SERPINA3: variants seen among roughly 807,000 people sequenced by gnomAD.
The protein encoded by SERPINA3 is serpin family A member 3.
In SERPINA3, 32 loss-of-function variants were observed where a neutral mutation model predicts 26.8. The ratio of observed to expected loss-of-function variants is 1.20; its 90% CI spans 0.90 to 1.61. SERPINA3 has a LOEUF of 1.61. SERPINA3 is among the 40% of genes most tolerant of loss of function. The probability of loss-of-function intolerance (pLI) is 0.00; values close to 1 mark genes in which losing one functional copy is unlikely to be tolerated. For missense variants in SERPINA3, 632 were observed against 517.9 expected, an observed-to-expected ratio of 1.22 and a Z score of -2.14; for synonymous variants, 252 against 206.4, an observed-to-expected ratio of 1.22 and a Z score of -1.89.
intron 4 of SERPINA3, chr14:94,622,818 G>A (rs578099115): frequency 3.2e-5 from 13 of 402,034 alleles, no homozygotes; most frequent in African/African-American, 2.2e-4. Flanking sequence ...GTGTCAAATG[G>A]TAGTGATAGT....
At chr14:94,616,662 C>A (rs946719825) in intron 2 of SERPINA3, among the ~76,000 whole-genome samples, 7 of 152,132 alleles carry the variant, frequency 4.6e-5, no homozygotes, top group Non-Finnish European at 8.8e-5. Flanking sequence ...GGGCATCCAA[C>A]CAGGGGCAGA....
intron 2 of SERPINA3, 155 bp from the exon 3 acceptor site, chr14:94,619,039 AC>A: frequency 1.3e-6 from 1 of 793,262 alleles, no homozygotes; most frequent in Non-Finnish European, 2.2e-6. Context: ...GCTCTCCCTC[AC>A]CCCCAATAAC....
intron 4 of SERPINA3, 90 bp downstream of exon 4, chr14:94,622,581 G>T: frequency 7.0e-7 from 1 of 1,422,600 alleles, no homozygotes; most frequent in African/African-American, 1.4e-5. Flanking sequence ...CTTGAACTTG[G>T]GTTAATGCAC....
chr14:94,619,572 GT>G (rs1886128070), intron 3 of SERPINA3, 104 bp downstream of exon 3: 5 of 1,439,566 alleles, frequency 3.5e-6, no homozygotes, highest in Non-Finnish European at 4.8e-6. Flanking sequence ...ACAGGGACAG[GT>G]GGAATTTACA....
In SERPINA3 at chr14:94,614,788, A is replaced by G. The variant is rs756126214; in HGVS notation, c.347A>G (p.His116Arg). ...NLTETSEAEI[H>R]QSFQHLLRTL... ...ACGGAGACTTCTGAGGCAGAAATTC[A>G]CCAGAGCTTCCAGCACCTCCTGCGC... Residue 116 changes from histidine (H) to arginine (R), a missense_variant, in exon 2 of 5, where the codon CAC becomes CGC. By Grantham distance (29) the His-to-Arg change is conservative. Transcript: ENST00000393078. 1 of 1,614,166 alleles carries G rather than the reference A, an allele frequency of 6.2e-7. No individual in the cohort carries two copies. The highest frequency in any genetic ancestry group is 1.6e-4 in the Middle Eastern group (1 of 6,062).
intron 3 of SERPINA3, 44 bp downstream of exon 3, chr14:94,619,512 A>C: frequency 6.2e-7 from 1 of 1,611,774 alleles, no homozygotes; most frequent in Non-Finnish European, 8.5e-7. Flanking sequence ...TCTCCACGTC[A>C]AGGTCTCACC....
chr14:94,623,470 G>T, intron 4 of SERPINA3, 141 bp from the exon 5 acceptor site: 1 of 785,692 alleles, frequency 1.3e-6, no homozygotes, highest in African/African-American at 1.7e-5. Context: ...GGGGAGTTGG[G>T]AGGAGCAAAC....
intron 3 of SERPINA3, among the ~76,000 whole-genome samples, chr14:94,621,620 C>T (rs1886204673): frequency 6.6e-6 from 1 of 152,110 alleles, no homozygotes; most frequent in South Asian, 2.1e-4. Flanking sequence ...CTGCTCTATG[C>T]CAGCCCACAC....
intron 4 of SERPINA3, chr14:94,622,828 T>G: frequency 2.6e-6 from 1 of 389,850 alleles, no homozygotes; most frequent in Non-Finnish European, 4.9e-6. Context: ...GTAGTGATAG[T>G]TCTTGGCTAG....
At chr14:94,618,681 T>A in intron 2 of SERPINA3, 1 of 206,792 alleles carries the variant, frequency 4.8e-6, no homozygotes, top group South Asian at 8.9e-5. Flanking sequence ...TCATTCACAC[T>A]GATTGGCATC....
chr14:94,615,216 A>G, intron 2 of SERPINA3, 132 bp downstream of exon 2: 1 of 1,006,814 alleles, frequency 9.9e-7, no homozygotes, highest in East Asian at 2.4e-5. Context: ...ATAAGCATCA[A>G]GGCCCCACCC....
intron 3 of SERPINA3, among the ~76,000 whole-genome samples, chr14:94,621,817 C>A (rs987348168): frequency 6.6e-6 from 1 of 152,212 alleles, no homozygotes; most frequent in Non-Finnish European, 1.5e-5. Context: ...TGAGATCACC[C>A]ACCGCCCCGT....
Position 94,614,765 on chromosome 14 carries a change from G to A in SERPINA3, c.324G>A (p.Thr108=), listed in dbSNP as rs368401080. The change falls in exon 2 of 5, where the codon ACG becomes ACA. Residue 108 remains threonine (T), a synonymous_variant. Coordinates refer to ENST00000393078, the MANE Select transcript of SERPINA3 (RefSeq NM_001085.5). ...TCAAAGGCCTCAAGTTCAACCTCAC[G>A]GAGACTTCTGAGGCAGAAATTCACC... ...EILKGLKFNL[T]ETSEAEIHQS... 42 of 1,614,002 alleles carry A rather than the reference G, an allele frequency of 2.6e-5. No homozygotes were observed. The highest frequency in any genetic ancestry group is 1.8e-4 in the Admixed American group (11 of 60,000).
intron 3 of SERPINA3, 21 bp downstream of exon 3, chr14:94,619,489 AAGACCCCAC>A: frequency 6.2e-7 from 1 of 1,613,662 alleles, no homozygotes; most frequent in Middle Eastern, 1.7e-4. Flanking sequence ...CTGGCCCCCA[AAGACCCCAC>A]ATCTCTCCAC....
At chr14:94,615,472 G>A (rs750037473) in intron 2 of SERPINA3, 28 of 460,052 alleles carry the variant, frequency 6.1e-5, no homozygotes, top group South Asian at 2.8e-4. Context: ...CCTCTGTCTG[G>A]ATGCACCTGG....
rs748220497 is a variant in SERPINA3 at position 94,614,609 on chromosome 14, C to G, written c.168C>G (p.Phe56Leu). The change falls in exon 2 of 5, where the codon TTC becomes TTG. Residue 56 changes from phenylalanine to leucine, a missense_variant. Physicochemically the swap from Phe to Leu is conservative, Grantham distance 22 (BLOSUM62 0). Transcript: ENST00000393078. ...DLGLASANVD[F>L]AFSLYKQLVL... ...GATTAGCCTCCGCCAACGTGGACTT[C>G]GCTTTCAGCCTGTACAAGCAGTTAG... 18 of 1,613,994 alleles carry G rather than the reference C, an allele frequency of 1.1e-5. No individual in the cohort carries two copies. The highest frequency in any genetic ancestry group is 3.3e-4 in the Middle Eastern group (2 of 6,084).
rs201846531 is a variant in SERPINA3 at position 94,619,414 on chromosome 14, A to G, written c.863A>G (p.Glu288Gly). ...GATCAAGACAAGATGGAGGAAGTGGAAGCCATGCTGCTCCCAGAGACCCTG... is the reference window on the plus strand; with the variant it reads ...GATCAAGACAAGATGGAGGAAGTGGGAGCCATGCTGCTCCCAGAGACCCTG... ...LPDQDKMEEV[E>G]AMLLPETLKR... Residue 288 changes from glutamate (E) to glycine (G), a missense_variant, in exon 3 of 5, where the codon GAA (glutamate) becomes GGA (glycine). Physicochemically the swap from Glu to Gly is moderately conservative, Grantham distance 98. Coordinates refer to ENST00000393078, the MANE Select transcript of SERPINA3 (RefSeq NM_001085.5). 10 of 1,614,124 alleles carry G rather than the reference A, an allele frequency of 6.2e-6. No homozygotes were observed. In the East Asian group the frequency reaches 2.2e-4, roughly 36 times the overall value.
chr14:94,623,901 T>A lies in SERPINA3; in HGVS notation c.*87T>A. ...GTCTCTGGGCACAGCCTGGCCCCTG[T>A]GCACCGAGTGGCCATGGCATGTGTG... is the stretch of plus-strand genomic sequence containing the variant. On this transcript the variant is annotated 3_prime_UTR_variant, in exon 5 of 5. Transcript: ENST00000393078. 1 of 1,167,804 alleles carries A rather than the reference T, an allele frequency of 8.6e-7. No individual in the cohort carries two copies. The highest frequency in any genetic ancestry group is 1.3e-6 in the Non-Finnish European group (1 of 782,996). The allele number at this position is 1,167,804 out of a possible 1,614,324, so 72.3% of individuals were successfully genotyped here.
intron 1 of SERPINA3, chr14:94,613,480 T>C (rs1256384943): frequency 1.3e-5 from 2 of 152,088 alleles, no homozygotes; most frequent in African/African-American, 4.8e-5. Context: ...AAAGGGGTAG[T>C]ATGGGAGGTG....
Sources: gnomAD v4.1 joint callset for allele counts (sites outside exome capture counted in the v4.1 genomes callset) on GRCh38, gnomAD v4.1.1 for gene constraint, MANE v1.5 for transcripts, NCBI Gene and HGNC (gene_info 2026-07-23, HGNC 2026-07-21) for gene names.